The following RBFOX1 variants were observed in gnomAD, a reference collection of about 807,000 sequenced individuals.
The protein encoded by RBFOX1 is RNA binding fox-1 homolog 1, also known as RNA binding protein fox-1 homolog 1.
In RBFOX1, 8 loss-of-function variants were observed where a neutral mutation model predicts 57.7. That is an observed-to-expected ratio of 0.14 (90% confidence interval 0.08 to 0.25). The LOEUF is 0.25. RBFOX1 is among the 10% of genes least tolerant of loss of function. The pLI is 1.00. For synonymous variants in RBFOX1, 326 were observed against 222.4 expected, an observed-to-expected ratio of 1.47 and a Z score of -4.15; for missense variants, 611 against 548.5, an observed-to-expected ratio of 1.11 and a Z score of -1.14.
intron 4 of RBFOX1, among the ~76,000 whole-genome samples, chr16:7,053,185 G>A (rs555420221): frequency 1.1e-4 from 16 of 152,258 alleles, no homozygotes; most frequent in African/African-American, 3.4e-4. Context: ...AAGTACTTGG[G>A]TAAAATAAAC....
At chr16:5,979,060 G>T (rs1156758608) in intron 4 of RBFOX1, among the ~76,000 whole-genome samples, 1 of 152,214 alleles carries the variant, frequency 6.6e-6, no homozygotes, top group African/African-American at 2.4e-5. Context: ...ATGGACAATG[G>T]TTTAACTGAA....
intron 3 of RBFOX1, among the ~76,000 whole-genome samples, chr16:6,791,167 A>C (rs1255183253): frequency 1.3e-5 from 2 of 152,010 alleles, no homozygotes; most frequent in African/African-American, 4.8e-5. Flanking sequence ...TCAGCCTCCC[A>C]AAGTGCTGGG....
intron 4 of RBFOX1, among the ~76,000 whole-genome samples, chr16:5,960,904 C>G (rs1596305113): frequency 6.6e-6 from 1 of 152,284 alleles, no homozygotes; most frequent in Non-Finnish European, 1.5e-5. Flanking sequence ...TGACCATAAG[C>G]CCATTAAACA....
intron 4 of RBFOX1, among the ~76,000 whole-genome samples, chr16:7,249,465 A>G (rs2094431731): frequency 6.6e-6 from 1 of 152,190 alleles, no homozygotes; most frequent in African/African-American, 2.4e-5. Context: ...CCAAGGAGAA[A>G]GCATTTTTCC....
intron 2 of RBFOX1, among the ~76,000 whole-genome samples, chr16:6,569,028 C>G (rs1360658269): frequency 6.6e-6 from 1 of 152,114 alleles, no homozygotes; most frequent in South Asian, 2.1e-4. Context: ...CTACCTCAGC[C>G]TCCCACAATA....
rs143298982 is a variant in RBFOX1, at chr16:7,708,083, G to A, written c.996-973G>A. Among the ~76,000 whole-genome samples the A allele has an allele frequency of 2.0e-5, 3 of 152,256 alleles. No homozygotes were observed. In the East Asian group the frequency reaches 5.8e-4, roughly 29 times the overall value. ...AGGCTGAGTGCAGTGACTCACGCCT[G>A]TAATCCTAACACTGAGAGGCTGAGG... On this transcript the variant is annotated intron_variant, in intron 14 of 15. Coordinates refer to ENST00000550418, the MANE Select transcript of RBFOX1 (RefSeq NM_018723.4).
chr16:5,957,190 A>G (rs2152284028), intron 4 of RBFOX1, among the ~76,000 whole-genome samples: 1 of 152,196 alleles, frequency 6.6e-6, no homozygotes, highest in South Asian at 2.1e-4. Context: ...CGATCACACT[A>G]TGAGAAACAA....
intron 3 of RBFOX1, among the ~76,000 whole-genome samples, chr16:6,701,277 C>G (rs891180922): frequency 2.6e-5 from 4 of 152,090 alleles, no homozygotes; most frequent in Non-Finnish European, 1.5e-5. Context: ...TGACGCAGGC[C>G]CTGAAGGGGC....
chr16:6,768,055 G>C (rs1282114869), intron 3 of RBFOX1, among the ~76,000 whole-genome samples: 1 of 151,766 alleles, frequency 6.6e-6, no homozygotes, highest in Non-Finnish European at 1.5e-5. Flanking sequence ...AGGAGCTAGT[G>C]AATTTTCTCC....
chr16:6,632,373 A>G (rs903812106), intron 2 of RBFOX1, among the ~76,000 whole-genome samples: 1 of 152,166 alleles, frequency 6.6e-6, no homozygotes, highest in Non-Finnish European at 1.5e-5. Flanking sequence ...TGGAGAAACA[A>G]AAGGACCTCA....
chr16:7,454,757 T>C (rs1210638112), intron 4 of RBFOX1, among the ~76,000 whole-genome samples: 1 of 152,222 alleles, frequency 6.6e-6, no homozygotes, highest in Admixed American at 6.5e-5. Flanking sequence ...ACCATGAACA[T>C]GTGCAATTGC....
chr16:6,530,470 CA>C (rs745688650), intron 2 of RBFOX1, among the ~76,000 whole-genome samples: 1 of 152,142 alleles, frequency 6.6e-6, no homozygotes, highest in Non-Finnish European at 1.5e-5. Flanking sequence ...TGTAAATATT[CA>C]AATTCTTTCT....
intron 3 of RBFOX1, among the ~76,000 whole-genome samples, chr16:6,871,858 C>T (rs777799917): frequency 6.9e-4 from 105 of 151,488 alleles, no homozygotes; most frequent in South Asian, 1.0e-3. Context: ...GTCCTAAATC[C>T]GCATCTGATG....
intron 1 of RBFOX1, among the ~76,000 whole-genome samples, chr16:5,319,131 A>G (rs2064326668): frequency 6.7e-6 from 1 of 149,230 alleles, no homozygotes; most frequent in African/African-American, 2.6e-5. Context: ...TGTCTCAAAC[A>G]AACAAACAAA....
intron 4 of RBFOX1, among the ~76,000 whole-genome samples, chr16:7,111,353 A>G (rs1012872273): frequency 2.0e-5 from 3 of 152,200 alleles, no homozygotes; most frequent in Non-Finnish European, 4.4e-5. Flanking sequence ...GCTGAGCGGC[A>G]CTGTTTTCCC....
At chr16:7,363,663 C>T (rs979366685) in intron 4 of RBFOX1, among the ~76,000 whole-genome samples, 1 of 152,090 alleles carries the variant, frequency 6.6e-6, no homozygotes, top group Non-Finnish European at 1.5e-5. Flanking sequence ...GCCATCAGAT[C>T]CCTTTTGCTG....
chr16:5,808,702 A>T (rs1258351645), intron 3 of RBFOX1, among the ~76,000 whole-genome samples: 1 of 152,152 alleles, frequency 6.6e-6, no homozygotes, highest in African/African-American at 2.4e-5. Context: ...GAGTTCACTC[A>T]TGATTTGGCT....
chr16:7,335,569 G>T (rs2096770573), intron 4 of RBFOX1, among the ~76,000 whole-genome samples: 1 of 124,990 alleles, frequency 8.0e-6, no homozygotes. Context: ...CCCTGTTTTA[G>T]TTGCCTCAGA....
intron 4 of RBFOX1, among the ~76,000 whole-genome samples, chr16:7,341,719 C>T (rs964899961): frequency 7.0e-6 from 1 of 142,436 alleles, no homozygotes; most frequent in Admixed American, 6.9e-5. Context: ...TCCTTCCTTC[C>T]CTCCCTCCCT....
Sources: allele counts gnomAD v4.1 joint callset (sites outside exome capture counted in the v4.1 genomes callset), GRCh38; gene constraint gnomAD v4.1.1; transcripts MANE v1.5; gene names NCBI Gene and HGNC (gene_info 2026-07-23, HGNC 2026-07-21).